Variants in CRISPLD2 observed in about 807,000 individuals in gnomAD.
CRISPLD2 encodes cysteine-rich secretory protein LCCL domain-containing 2.
A neutral mutation model predicts 71.1 loss-of-function variants in CRISPLD2; 47 were observed. The ratio of observed to expected loss-of-function variants is 0.66; its 90% CI spans 0.52 to 0.84. CRISPLD2 has a LOEUF of 0.84. CRISPLD2 is among the 40% of genes least tolerant of loss of function. The pLI, the probability that CRISPLD2 is intolerant of heterozygous loss-of-function variation, is 0.00. For missense variants in CRISPLD2, 830 were observed against 651.1 expected, an observed-to-expected ratio of 1.27 and a Z score of -2.99; for synonymous variants, 317 against 250.1, an observed-to-expected ratio of 1.27 and a Z score of -2.52.
At chr16:84,851,993 T>G (rs1917102015) in intron 5 of CRISPLD2, among the ~76,000 whole-genome samples, 1 of 152,164 alleles carries the variant, frequency 6.6e-6, no homozygotes, top group South Asian at 2.1e-4. Flanking sequence ...GTCTCACCAT[T>G]CTGGAGGCTA....
chr16:84,854,238 C>A (rs994346396), intron 5 of CRISPLD2, among the ~76,000 whole-genome samples: 1 of 152,196 alleles, frequency 6.6e-6, no homozygotes, highest in Non-Finnish European at 1.5e-5. Context: ...CTCTTCCCTC[C>A]TGGGGTGTTG....
chr16:84,866,766 T>C (rs1257543951), intron 6 of CRISPLD2, 131 bp from the exon 7 acceptor site: 1 of 851,030 alleles, frequency 1.2e-6, no homozygotes, highest in Non-Finnish European at 1.8e-6. Context: ...ACTTTCTCTT[T>C]GCCGCTGAAA....
chr16:84,898,552 A>G (rs1597486550), intron 14 of CRISPLD2, among the ~76,000 whole-genome samples: 1 of 151,898 alleles, frequency 6.6e-6, no homozygotes, highest in African/African-American at 2.4e-5. Context: ...AGCGTTCTCC[A>G]CCATCCAGCC....
intron 1 of CRISPLD2, among the ~76,000 whole-genome samples, chr16:84,820,832 C>T (rs563580279): frequency 8.5e-5 from 13 of 152,152 alleles, no homozygotes; most frequent in Non-Finnish European, 1.6e-4. Context: ...TGCATAACTC[C>T]TGCGTGGGGA....
At position 84,875,932 on chromosome 16, in the gene CRISPLD2, C is replaced by T. The variant is rs2071514837; in HGVS notation, c.1157-1506C>T. Among the ~76,000 whole-genome samples the T allele has an allele frequency of 3.3e-5, 5 of 152,092 alleles. No homozygotes were observed. In the South Asian group the frequency reaches 6.2e-4, roughly 19 times the overall value. On this transcript the variant is annotated intron_variant, in intron 11 of 14. Transcript: ENST00000262424. ...ATGATCTCCCCATTGAATAGAAGTC[C>T]CTTGATGTACTAAACCAGTCCCCTT...
intron 13 of CRISPLD2, 60 bp from the exon 14 acceptor site, chr16:84,889,170 C>G (rs898836651): frequency 2.0e-4 from 326 of 1,611,166 alleles, no homozygotes; most frequent in Non-Finnish European, 2.6e-4. Flanking sequence ...GGAGCCCCAG[C>G]TGGCTTGACC....
intron 13 of CRISPLD2, 138 bp from the exon 14 acceptor site, chr16:84,889,092 T>A: frequency 1.0e-6 from 1 of 954,208 alleles, no homozygotes; most frequent in Admixed American, 2.1e-5. Flanking sequence ...ATCAAGGTAG[T>A]GATGATTATT....
rs371174242 is a variant in CRISPLD2 at position 84,889,231 on chromosome 16, C to T, written c.1307C>T (p.Thr436Ile). 9.3e-6 allele frequency: 15 copies of T among 1,614,002 alleles called. No homozygotes were observed. The African/African-American group carries it at 1.6e-4, about 17-fold the overall frequency. The stretch of plus-strand genomic sequence containing the variant: ...TCACAGCCCTTCCTGTGCTTCCAGA[C>T]CTCAAGCATCTGCAAGACAGCCGTG... The part of the protein sequence containing the change: ...PVFGTNIYAD[T>I]SSICKTAVHA... The change falls in exon 14 of 15, where the codon ACC (threonine) becomes ATC (isoleucine). Residue 436 changes from threonine (T) to isoleucine (I), a missense_variant and splice_region_variant. Thr to Ile is a moderately conservative substitution (Grantham distance 89). Coordinates refer to ENST00000262424, the MANE Select transcript of CRISPLD2 (RefSeq NM_031476.4).
chr16:84,828,420 T>G (rs969068152), intron 1 of CRISPLD2: 1 of 152,160 alleles, frequency 6.6e-6, no homozygotes, highest in African/African-American at 2.4e-5. Context: ...TTGAGGAAGT[T>G]GAGGCATGCC....
rs148167309 is a variant in CRISPLD2, at chr16:84,834,426, G to A, written c.-74-3996G>A. Reference sequence around the variant, plus strand: ...CTGTCTCAGAAGTGAGGGTAGAATGGGCAGTGTGGGCCAGGGCTGCCGGGC... The same window carrying A: ...CTGTCTCAGAAGTGAGGGTAGAATGAGCAGTGTGGGCCAGGGCTGCCGGGC... On this transcript the variant is annotated intron_variant, in intron 1 of 14. Coordinates refer to ENST00000262424, the MANE Select transcript of CRISPLD2 (RefSeq NM_031476.4). Among the ~76,000 whole-genome samples, 846 of 152,342 alleles carry A rather than the reference G, an allele frequency of 5.6e-3. 6 individuals carry two copies. Among genetic ancestry groups the A allele is most frequent in the African/African-American group, 0.018 (748 of 41,580 alleles).
intron 9 of CRISPLD2, among the ~76,000 whole-genome samples, chr16:84,872,744 C>T (rs1222454209): frequency 1.3e-5 from 2 of 152,104 alleles, no homozygotes; most frequent in Non-Finnish European, 2.9e-5. Flanking sequence ...ACACACTGGA[C>T]CGAGCAGGGA....
intron 14 of CRISPLD2, among the ~76,000 whole-genome samples, chr16:84,890,635 C>T (rs536087430): frequency 1.4e-4 from 21 of 151,768 alleles, no homozygotes; most frequent in Admixed American, 6.6e-4. Context: ...GGTGTGATGA[C>T]GCAAGCCTGT....
At position 84,873,972 on chromosome 16, in the gene CRISPLD2, G is replaced by T; in HGVS notation, c.1156+9G>T. 1.3e-6 allele frequency: 2 copies of T among 1,598,002 alleles called. No individual in the cohort carries two copies. The highest frequency in any genetic ancestry group is 2.3e-5 in the East Asian group (1 of 44,436). On this transcript the variant is annotated intron_variant, in intron 11 of 14. Transcript: ENST00000262424. ...GGTGTCAAAAGTGAAAGGTAAGCTA[G>T]CCAGTCTCTTTTGCGACCATAATAC...
Position 84,907,259 on chromosome 16 carries a change from C to G in CRISPLD2, c.*617C>G, listed in dbSNP as rs534210828. 6.2e-6 allele frequency: 1 copy of G among 160,544 alleles called. No homozygotes were observed. The highest frequency in any genetic ancestry group is 2.4e-5 in the African/African-American group (1 of 41,524). The allele number at this position is 160,544 out of a possible 1,614,324, so 9.9% of individuals were successfully genotyped here. On this transcript the variant is annotated 3_prime_UTR_variant, in exon 15 of 15. Coordinates refer to ENST00000262424, the MANE Select transcript of CRISPLD2 (RefSeq NM_031476.4). ...CTGGCACGTGTCCTTGCTGGCGGCCCGCCACAGGCCCCCTTCAATGGCCGC... is the reference window on the plus strand; with the variant it reads ...CTGGCACGTGTCCTTGCTGGCGGCCGGCCACAGGCCCCCTTCAATGGCCGC...
chr16:84,887,645 G>A (rs1329673542), intron 13 of CRISPLD2, among the ~76,000 whole-genome samples: 1 of 152,214 alleles, frequency 6.6e-6, no homozygotes, highest in Non-Finnish European at 1.5e-5. Context: ...GGGAGGCCGA[G>A]GCGTGTGGAT....
Position 84,874,268 on chromosome 16 carries a change from G to C in CRISPLD2, c.1156+305G>C, listed in dbSNP as rs551709196. Among the ~76,000 whole-genome samples, 7 of 152,316 alleles carry C rather than the reference G, an allele frequency of 4.6e-5. No homozygotes were observed. The South Asian group carries it at 1.0e-3, about 23-fold the overall frequency. Reference sequence around the variant, plus strand: ...GGTTTCACTGGGAGTGCCACTTTCTGTCGATTGGTAATGGCTACCTGGAGT... The same window carrying C: ...GGTTTCACTGGGAGTGCCACTTTCTCTCGATTGGTAATGGCTACCTGGAGT... On this transcript the variant is annotated intron_variant, in intron 11 of 14. Coordinates refer to ENST00000262424, the MANE Select transcript of CRISPLD2 (RefSeq NM_031476.4).
intron 6 of CRISPLD2, among the ~76,000 whole-genome samples, chr16:84,866,046 C>T (rs1917525892): frequency 6.6e-6 from 1 of 152,028 alleles, no homozygotes; most frequent in Non-Finnish European, 1.5e-5. Context: ...CCCTGACTGG[C>T]AGGAGGAGAG....
chr16:84,896,617 G>A (rs906289171), intron 14 of CRISPLD2, among the ~76,000 whole-genome samples: 1 of 152,116 alleles, frequency 6.6e-6, no homozygotes, highest in Non-Finnish European at 1.5e-5. Context: ...AGTGTCCTGA[G>A]CACACGGAAG....
intron 12 of CRISPLD2, among the ~76,000 whole-genome samples, chr16:84,878,627 A>G (rs557369973): frequency 6.6e-6 from 1 of 152,306 alleles, no homozygotes; most frequent in African/African-American, 2.4e-5. Context: ...ACGGAGGACG[A>G]TGCCTCCCAG....
Sources: gnomAD v4.1 joint callset for allele counts (sites outside exome capture counted in the v4.1 genomes callset) on GRCh38, gnomAD v4.1.1 for gene constraint, MANE v1.5 for transcripts, NCBI Gene and HGNC (gene_info 2026-07-23, HGNC 2026-07-21) for gene names.